Variants in ZNF407 observed in about 807,000 individuals in gnomAD.
ZNF407 encodes zinc finger protein 407.
In ZNF407, 17 loss-of-function variants were observed where a neutral mutation model predicts 131.2. The observed-to-expected ratio is 0.13, with a 90% CI of 0.09 to 0.19. ZNF407 has a LOEUF of 0.19. ZNF407 is among the 10% of genes least tolerant of loss of function. ZNF407 has a pLI of 1.00. For missense variants in ZNF407, 2,681 were observed against 2,830.6 expected (o/e 0.95, Z 1.20); for synonymous variants, 1,156 against 1,062.0 (o/e 1.09, Z -1.72).
intron 3 of ZNF407, among the ~76,000 whole-genome samples, chr18:74,713,358 CTTTTTT>C (rs5826345): frequency 5.3e-4 from 45 of 84,456 alleles, no homozygotes; most frequent in African/African-American, 1.5e-3. Context: ...ATTTTAGCAT[CTTTTTT>C]TTTTTTTTTT....
At chr18:74,958,988 TTTC>T (rs1972308655) in intron 8 of ZNF407, among the ~76,000 whole-genome samples, 1 of 152,196 alleles carries the variant, frequency 6.6e-6, no homozygotes, top group African/African-American at 2.4e-5. Context: ...TTTAATAACT[TTTC>T]TTCTTCCACA....
Position 74,707,383 on chromosome 18 carries a change from A to C in ZNF407, c.4802+66261A>C, listed in dbSNP as rs1243832695. Among the ~76,000 whole-genome samples, 3 of 152,184 alleles carry C rather than the reference A, an allele frequency of 2.0e-5. No homozygotes were observed. The East Asian group carries it at 5.8e-4, about 29-fold the overall frequency. The stretch of plus-strand genomic sequence containing the variant: ...TACAGGCTGAGCATCCCTTATCCAA[A>C]TGCTTGGAACAGAACTGTTTCAGAC... On this transcript the variant is annotated intron_variant, in intron 3 of 8. Coordinates refer to ENST00000299687, the MANE Select transcript of ZNF407 (RefSeq NM_017757.3).
At position 74,629,762 on chromosome 18, in the gene ZNF407, G is replaced by A. The variant is rs138594711; in HGVS notation, c.-53-1205G>A. ...AATACGTTGATGCCTTTTTATTAAC[G>A]TGGAATCAAGTGGCATTTGGCTGAA... On this transcript the variant is annotated intron_variant, in intron 1 of 8. Coordinates refer to ENST00000299687, the MANE Select transcript of ZNF407 (RefSeq NM_017757.3). 6.4e-3 allele frequency among the ~76,000 whole-genome samples: 979 copies of A among 152,236 alleles called. 12 individuals carry two copies. The highest frequency in any genetic ancestry group is 0.022 in the African/African-American group (915 of 41,524).
intron 4 of ZNF407, among the ~76,000 whole-genome samples, chr18:74,851,130 A>G (rs1970777177): frequency 6.6e-6 from 1 of 152,260 alleles, no homozygotes; most frequent in Admixed American, 6.5e-5. Flanking sequence ...GTATTTTTAT[A>G]AACTCAGTTC....
intron 1 of ZNF407, among the ~76,000 whole-genome samples, chr18:74,610,892 G>T (rs1422318283): frequency 1.3e-5 from 2 of 152,196 alleles, no homozygotes; most frequent in Non-Finnish European, 2.9e-5. Flanking sequence ...CTGGGGTGTA[G>T]TAAGTGGGGA....
At chr18:74,929,255 C>G (rs1470614832) in intron 8 of ZNF407, among the ~76,000 whole-genome samples, 1 of 152,178 alleles carries the variant, frequency 6.6e-6, no homozygotes, top group Non-Finnish European at 1.5e-5. Flanking sequence ...CGCTTCCTTC[C>G]CGGCTCCCTT....
At chr18:74,849,061 TTTTTTA>T (rs894787532) in intron 4 of ZNF407, among the ~76,000 whole-genome samples, 4 of 145,404 alleles carry the variant, frequency 2.8e-5, no homozygotes, top group Non-Finnish European at 4.5e-5. Context: ...TCTTTTTTTT[TTTTTTA>T]TTTTTTATTT....
At chr18:74,681,593 T>C (rs770049064) in intron 3 of ZNF407, among the ~76,000 whole-genome samples, 8 of 152,194 alleles carry the variant, frequency 5.3e-5, no homozygotes, top group Non-Finnish European at 1.0e-4. Context: ...GATGTTGTGT[T>C]ATAGACCTTA....
At chr18:74,770,390 C>G (rs1480427819) in intron 3 of ZNF407, among the ~76,000 whole-genome samples, 1 of 151,962 alleles carries the variant, frequency 6.6e-6, no homozygotes, top group South Asian at 2.1e-4. Flanking sequence ...GAGGGAGTCC[C>G]TGTCTCAAAA....
At chr18:74,838,004 T>G (rs1461865394) in intron 4 of ZNF407, among the ~76,000 whole-genome samples, 1 of 152,248 alleles carries the variant, frequency 6.6e-6, no homozygotes, top group Non-Finnish European at 1.5e-5. Context: ...CTCCCTTTAC[T>G]GTTCACTACA....
chr18:74,690,219 T>C (rs1967187682), intron 3 of ZNF407, among the ~76,000 whole-genome samples: 1 of 152,208 alleles, frequency 6.6e-6, no homozygotes, highest in Non-Finnish European at 1.5e-5. Flanking sequence ...AGAGAAATTT[T>C]AGAATTCCCT....
In ZNF407 at chr18:74,994,274, A is replaced by G. The variant is rs139841499; in HGVS notation, c.5429-68876A>G. On this transcript the variant is annotated intron_variant, in intron 8 of 8. Transcript: ENST00000299687. Reference sequence around the variant, plus strand: ...AAATGTGTATATATAGAAAGAGTAGATAAATGCTGTAAAACATTTACAATG... The same window carrying G: ...AAATGTGTATATATAGAAAGAGTAGGTAAATGCTGTAAAACATTTACAATG... 3.1e-3 allele frequency among the ~76,000 whole-genome samples: 476 copies of G among 152,360 alleles called. 3 individuals are homozygous for G. The highest frequency in any genetic ancestry group is 0.01 in the African/African-American group (433 of 41,580).
At chr18:75,049,338 TC>T (rs1197499740) in intron 8 of ZNF407, among the ~76,000 whole-genome samples, 1 of 152,150 alleles carries the variant, frequency 6.6e-6, no homozygotes, top group East Asian at 1.9e-4. Flanking sequence ...AGCCTCCTGC[TC>T]TGGCAGGGTT....
At chr18:74,751,369 T>A (rs182279984) in intron 3 of ZNF407, among the ~76,000 whole-genome samples, 1,927 of 152,282 alleles carry the variant, frequency 0.013, 20 homozygotes, top group African/African-American at 0.022. Flanking sequence ...TTCTTTTTTT[T>A]AAAATTTATT....
intron 8 of ZNF407, among the ~76,000 whole-genome samples, chr18:74,958,382 G>A (rs377590300): frequency 6.6e-5 from 10 of 152,204 alleles, no homozygotes; most frequent in African/African-American, 2.2e-4. Flanking sequence ...CAGGGTTGCA[G>A]GGAGATTATT....
chr18:74,875,060 CT>C (rs1475735651), intron 4 of ZNF407, among the ~76,000 whole-genome samples: 7 of 152,150 alleles, frequency 4.6e-5, no homozygotes, highest in African/African-American at 1.7e-4. Context: ...TGGTAGAGGT[CT>C]TACTGAGTTG....
intron 4 of ZNF407, among the ~76,000 whole-genome samples, chr18:74,848,177 G>A (rs887078312): frequency 1.3e-5 from 2 of 152,118 alleles, no homozygotes; most frequent in Admixed American, 6.5e-5. Context: ...ACATGTCTGA[G>A]GACCATAAAC....
rs188220052 is a variant in ZNF407, at chr18:74,677,393, C to G, written c.4802+36271C>G. Among the ~76,000 whole-genome samples the G allele has an allele frequency of 2.7e-3, 414 of 152,212 alleles. 3 individuals are homozygous for G. The highest frequency in any genetic ancestry group is 9.3e-3 in the African/African-American group (387 of 41,542). ...GGCTTGAGCCGCCCTACGGGGTCAT[C>G]TTTTAATTTATTCTAAATCTTTGAG... On this transcript the variant is annotated intron_variant, in intron 3 of 8. Transcript: ENST00000299687.
intron 8 of ZNF407, among the ~76,000 whole-genome samples, chr18:74,972,299 C>T (rs988489704): frequency 1.3e-4 from 20 of 152,306 alleles, no homozygotes; most frequent in African/African-American, 2.9e-4. Flanking sequence ...GATCTACAAC[C>T]GCCCTTCCCA....
Sources: allele counts gnomAD v4.1 joint callset (sites outside exome capture counted in the v4.1 genomes callset), GRCh38; gene constraint gnomAD v4.1.1; transcripts MANE v1.5; gene names NCBI Gene and HGNC (gene_info 2026-07-23, HGNC 2026-07-21).